Variants in FSIP2 observed in about 807,000 individuals in gnomAD.
The protein encoded by FSIP2 is fibrous sheath interacting protein 2.
In FSIP2, 367 loss-of-function variants were observed where a neutral mutation model predicts 510.5. That is an observed-to-expected ratio of 0.72 (90% confidence interval 0.66 to 0.78). The LOEUF (loss-of-function observed/expected upper bound fraction) is 0.78. Ranked by LOEUF, FSIP2 falls within the 30% of genes least tolerant of loss-of-function variation. The pLI, the probability that FSIP2 is intolerant of heterozygous loss-of-function variation, is 0.00. For missense variants in FSIP2, 7,594 were observed against 7,901.7 expected, an observed-to-expected ratio of 0.96 and a Z score of 1.48; for synonymous variants, 2,601 against 2,732.2, an observed-to-expected ratio of 0.95 and a Z score of 1.50.
chr2:185,820,274 C>T (rs1230069509), intron 19 of FSIP2, among the ~76,000 whole-genome samples: 1 of 151,164 alleles, frequency 6.6e-6, no homozygotes, highest in African/African-American at 2.4e-5. Context: ...CTTCCTGCCA[C>T]CTGGTGAAGA....
At chr2:185,742,807 G>A (rs764344328) in intron 2 of FSIP2, among the ~76,000 whole-genome samples, 23 of 152,118 alleles carry the variant, frequency 1.5e-4, no homozygotes, top group Non-Finnish European at 2.5e-4. Flanking sequence ...GAATCCTAGC[G>A]TTGGCTTTGT....
At position 185,792,323 on chromosome 2, in the gene FSIP2, T is replaced by C. The variant is rs904226759; in HGVS notation, c.5187T>C (p.Asp1729=). ...GGAESDSFLE[D]DAYTAKKIID... The stretch of plus-strand genomic sequence containing the variant: ...CTGAATCAGATTCATTTCTAGAAGA[T>C]GATGCATATACAGCGAAAAAAATTA... Residue 1729 remains aspartate, a synonymous_variant, in exon 16 of 23, where the codon GAT becomes GAC. Coordinates refer to ENST00000424728, the MANE Select transcript of FSIP2 (RefSeq NM_173651.4). The C allele has an allele frequency of 3.9e-6, 6 of 1,530,152 alleles. No homozygotes were observed. In the Admixed American group the frequency reaches 6.0e-5, roughly 15 times the overall value. The allele number at this position is 1,530,152 out of a possible 1,614,324, so 94.8% of individuals were successfully genotyped here.
chr2:185,743,414 T>G (rs993743591), intron 3 of FSIP2, 120 bp downstream of exon 3: 1 of 463,458 alleles, frequency 2.2e-6, no homozygotes, highest in African/African-American at 2.0e-5. Flanking sequence ...GAGACAATAC[T>G]TAATAGGCAG....
chr2:185,752,660 T>G (rs1231380719), intron 7 of FSIP2, among the ~76,000 whole-genome samples: 3 of 151,352 alleles, frequency 2.0e-5, no homozygotes, highest in Non-Finnish European at 4.4e-5. Context: ...ATTTGAAAAT[T>G]GCTTTTGGAC....
In FSIP2 at chr2:185,832,370, G is replaced by C. The variant is rs191723724; in HGVS notation, c.20587+488G>C. Among the ~76,000 whole-genome samples the C allele has an allele frequency of 2.2e-4, 33 of 151,934 alleles. No homozygotes were observed. The East Asian group carries it at 6.0e-3, about 28-fold the overall frequency. On this transcript the variant is annotated intron_variant, in intron 22 of 22. Transcript: ENST00000424728. ...TGGCATGCTGCCTTTGAAGGAGGCA[G>C]TTGCTACTCATCTACAATCACTGGC...
chr2:185,741,111 A>G (rs1466173528), intron 2 of FSIP2, among the ~76,000 whole-genome samples: 1 of 152,152 alleles, frequency 6.6e-6, no homozygotes, highest in Non-Finnish European at 1.5e-5. Flanking sequence ...AGGTGATATA[A>G]TTCCTCTTTA....
chr2:185,793,526 T>C lies in FSIP2; in HGVS notation c.6390T>C (p.Asn2130=). ...TAGCTGATAAACATTCAGAAGAAAA[T>C]TCTGAAATGTTCATGGAGGGTGCAA... The part of the protein sequence containing the change: ...CSIADKHSEE[N]SEMFMEGANK... Residue 2130 remains asparagine, a synonymous_variant, in exon 16 of 23, where the codon AAT becomes AAC. Coordinates refer to ENST00000424728, the MANE Select transcript of FSIP2 (RefSeq NM_173651.4). 4 of 1,534,196 alleles carry C rather than the reference T, an allele frequency of 2.6e-6. No individual in the cohort carries two copies. The highest frequency in any genetic ancestry group is 3.5e-6 in the Non-Finnish European group (4 of 1,145,574).
chr2:185,805,663 C>T lies in FSIP2; in HGVS notation c.16357C>T (p.Pro5453Ser), dbSNP rs1247472478. ...DQSYKDTSSTPDCKNMMSTLE... is the reference protein window; with the variant it reads ...DQSYKDTSSTSDCKNMMSTLE... ...ATCATATAAAGATACTTCTTCCACCCCAGATTGCAAAAACATGATGAGCAC... is the reference window on the plus strand; with the variant it reads ...ATCATATAAAGATACTTCTTCCACCTCAGATTGCAAAAACATGATGAGCAC... The change falls in exon 17 of 23, where the codon CCA becomes TCA. Residue 5453 changes from proline (P) to serine (S), a missense_variant. Pro to Ser is a moderately conservative substitution (Grantham distance 74). Coordinates refer to ENST00000424728, the MANE Select transcript of FSIP2 (RefSeq NM_173651.4). 5.0e-6 allele frequency: 8 copies of T among 1,610,202 alleles called. No homozygotes were observed. The East Asian group carries it at 8.9e-5, about 18-fold the overall frequency.
At chr2:185,756,608 G>T (rs889851955) in intron 9 of FSIP2, among the ~76,000 whole-genome samples, 1 of 151,314 alleles carries the variant, frequency 6.6e-6, no homozygotes, top group Non-Finnish European at 1.5e-5. Flanking sequence ...AGAAAACTCT[G>T]AAATATGTCA....
In FSIP2 at chr2:185,790,186, A is replaced by T; in HGVS notation, c.3050A>T (p.Asp1017Val). The change falls in exon 16 of 23, where the codon GAT becomes GTT. Residue 1017 changes from aspartate to valine, a missense_variant. Asp to Val is a radical substitution (Grantham distance 152). Transcript: ENST00000424728. ...EIDNIVKNVL[D>V]STFKDEKVKS... ...GACAATATTGTAAAAAATGTGCTTG[A>T]TTCAACTTTCAAAGATGAAAAAGTA... 1 of 1,531,742 alleles carries T rather than the reference A, an allele frequency of 6.5e-7. No homozygotes were observed. Among genetic ancestry groups the T allele is most frequent in the Non-Finnish European group, 8.7e-7 (1 of 1,144,898 alleles). The allele number at this position is 1,531,742 out of a possible 1,614,324, so 94.9% of individuals were successfully genotyped here. A position where few individuals can be genotyped will look rare whatever the true frequency, so the allele number is the denominator to read the frequency against.
Position 185,793,757 on chromosome 2 carries a change from T to G in FSIP2, c.6621T>G (p.Thr2207=). The stretch of plus-strand genomic sequence containing the variant: ...AACAGCCTCTTAAGGGGTCAAAAAC[T>G]GAAAGAAAAACAGAGCGTTTTTCAT... ...DCQQPLKGSK[T]ERKTERFSYS... The change falls in exon 16 of 23, where the codon ACT becomes ACG. Residue 2207 remains threonine, a synonymous_variant. Coordinates refer to ENST00000424728, the MANE Select transcript of FSIP2 (RefSeq NM_173651.4). 6.5e-7 allele frequency: 1 copy of G among 1,532,718 alleles called. No individual in the cohort carries two copies. The highest frequency in any genetic ancestry group is 8.7e-7 in the Non-Finnish European group (1 of 1,145,230). 94.9% of individuals were successfully genotyped at this position (1,532,718 alleles called of 1,614,324 possible). A position where few individuals can be genotyped will look rare whatever the true frequency, so the allele number is the denominator to read the frequency against.
At chr2:185,786,016 A>G (rs1363463598) in intron 14 of FSIP2, among the ~76,000 whole-genome samples, 1 of 151,960 alleles carries the variant, frequency 6.6e-6, no homozygotes, top group Non-Finnish European at 1.5e-5. Flanking sequence ...TACACTGTTT[A>G]TGCAGCAGCT....
Position 185,805,854 on chromosome 2 carries a change from TA to T in FSIP2, c.16553del (p.Lys5518ArgfsTer28). ...TSGLATGVTN[K>X]KEVDENKVGI... ...CAGGGTTGGCTACAGGTGTGACAAA[TA>T]AAAAGGAAGTGGATGAAAATAAAGT... On this transcript the variant is annotated frameshift_variant, in exon 17 of 23. Coordinates refer to ENST00000424728, the MANE Select transcript of FSIP2 (RefSeq NM_173651.4). LOFTEE classifies it high-confidence loss of function. 5.6e-6 allele frequency: 9 copies of T among 1,608,098 alleles called. No homozygotes were observed. The highest frequency in any genetic ancestry group is 7.6e-6 in the Non-Finnish European group (9 of 1,177,572).
chr2:185,774,307 A>T (rs1276434193), intron 13 of FSIP2, among the ~76,000 whole-genome samples: 1 of 152,184 alleles, frequency 6.6e-6, no homozygotes, highest in Non-Finnish European at 1.5e-5. Context: ...TAGCTGCCTT[A>T]GCTTTTTAAA....
At chr2:185,743,433 A>C (rs1691964779) in intron 3 of FSIP2, 139 bp downstream of exon 3, 2 of 421,942 alleles carry the variant, frequency 4.7e-6, no homozygotes, top group Non-Finnish European at 8.1e-6. Flanking sequence ...AGTTCTATAA[A>C]TTTCTCAGTA....
At chr2:185,743,784 T>A (rs183549957) in intron 3 of FSIP2, among the ~76,000 whole-genome samples, 4 of 152,192 alleles carry the variant, frequency 2.6e-5, no homozygotes, top group African/African-American at 7.2e-5. Flanking sequence ...CTGTGATAAC[T>A]AATTGTGTGC....
intron 22 of FSIP2, among the ~76,000 whole-genome samples, chr2:185,832,394 G>C (rs780136546): frequency 6.6e-6 from 1 of 151,892 alleles, no homozygotes; most frequent in Non-Finnish European, 1.5e-5. Flanking sequence ...ACAATCACTG[G>C]CATGCTAGAT....
chr2:185,794,794 T>C lies in FSIP2; in HGVS notation c.7658T>C (p.Val2553Ala). 6.5e-7 allele frequency: 1 copy of C among 1,533,796 alleles called. No individual in the cohort carries two copies. The highest frequency in any genetic ancestry group is 8.7e-7 in the Non-Finnish European group (1 of 1,145,314). Reference protein sequence around the residue: ...VESVLGKMYLVVVTSLYENNK... With the variant: ...VESVLGKMYLAVVTSLYENNK... Reference sequence around the variant, plus strand: ...AGTGTTTTGGGGAAAATGTACTTGGTAGTTGTGACATCATTATATGAAAAT... The same window carrying C: ...AGTGTTTTGGGGAAAATGTACTTGGCAGTTGTGACATCATTATATGAAAAT... The change falls in exon 16 of 23, where the codon GTA becomes GCA. Residue 2553 changes from valine (V) to alanine (A), a missense_variant. Val to Ala is a moderately conservative substitution (Grantham distance 64). Coordinates refer to ENST00000424728, the MANE Select transcript of FSIP2 (RefSeq NM_173651.4).
chr2:185,801,413 C>T lies in FSIP2; in HGVS notation c.12107C>T (p.Pro4036Leu). Residue 4036 changes from proline to leucine, a missense_variant, in exon 17 of 23, where the codon CCA becomes CTA. Coordinates refer to ENST00000424728, the MANE Select transcript of FSIP2 (RefSeq NM_173651.4). ...AATGCTGAAGAAAGGCTGTGTTTTCCACCAGTTCATACAGAAACTGTTAGC... is the reference window on the plus strand; with the variant it reads ...AATGCTGAAGAAAGGCTGTGTTTTCTACCAGTTCATACAGAAACTGTTAGC... ...LRNAEERLCF[P>L]PVHTETVSKI... 2 of 1,533,958 alleles carry T rather than the reference C, an allele frequency of 1.3e-6. No individual in the cohort carries two copies. Among genetic ancestry groups the T allele is most frequent in the Non-Finnish European group, 1.7e-6 (2 of 1,145,502 alleles).
Sources: gnomAD v4.1 joint callset for allele counts (sites outside exome capture counted in the v4.1 genomes callset) on GRCh38, gnomAD v4.1.1 for gene constraint, MANE v1.5 for transcripts, NCBI Gene and HGNC (gene_info 2026-07-23, HGNC 2026-07-21) for gene names.